Variants in PRKCH observed in about 807,000 individuals in gnomAD.
The protein encoded by PRKCH is protein kinase C eta type.
Under a neutral mutation model 82.5 loss-of-function variants are expected in PRKCH, and 28 were observed. That is an observed-to-expected ratio of 0.34 (90% confidence interval 0.25 to 0.47). The LOEUF is 0.47. PRKCH is among the 20% of genes least tolerant of loss of function. The pLI, the probability that PRKCH is intolerant of heterozygous loss-of-function variation, is 1.00. For synonymous variants in PRKCH, 322 were observed against 327.4 expected, an observed-to-expected ratio of 0.98 and a Z score of 0.18; for missense variants, 705 against 881.8, an observed-to-expected ratio of 0.80 and a Z score of 2.54.
intron 9 of PRKCH, 53 bp downstream of exon 9, chr14:61,457,732 A>G: frequency 1.3e-6 from 2 of 1,591,688 alleles, no homozygotes; most frequent in Admixed American, 3.4e-5. Flanking sequence ...TACAGAGCTG[A>G]GACAGTAAGA....
At chr14:61,544,143 A>G (rs1111789) in intron 12 of PRKCH, 147,561 of 152,212 alleles carry the variant, frequency 0.97, 71,682 homozygotes, top group East Asian at 1. Flanking sequence ...CTCACCCTAC[A>G]CCAGGGGTCA....
At chr14:61,371,464 G>A (rs76612464) in intron 1 of PRKCH, among the ~76,000 whole-genome samples, 1,743 of 151,970 alleles carry the variant, frequency 0.011, 47 homozygotes, top group African/African-American at 0.039. Context: ...ACTTTCCTTG[G>A]TTTTGGTGAG....
At chr14:61,383,921 G>A (rs551172781) in intron 1 of PRKCH, among the ~76,000 whole-genome samples, 1 of 152,236 alleles carries the variant, frequency 6.6e-6, no homozygotes, top group African/African-American at 2.4e-5. Context: ...CAGCAAAAGG[G>A]GAGCCCAAGT....
chr14:61,303,104 A>G (rs2140105377), intron 1 of PRKCH: 1 of 146,156 alleles, frequency 6.8e-6, no homozygotes, highest in South Asian at 2.2e-4. Context: ...TGCAGCCTTG[A>G]CCTCCTGAGT....
chr14:61,512,382 G>T (rs757023814), intron 10 of PRKCH, among the ~76,000 whole-genome samples: 2 of 150,444 alleles, frequency 1.3e-5, no homozygotes, highest in Non-Finnish European at 3.0e-5. Flanking sequence ...CTGGAACTGT[G>T]TTCCCAAACT....
chr14:61,460,670 C>T (rs369249275), intron 9 of PRKCH, among the ~76,000 whole-genome samples: 6 of 152,142 alleles, frequency 3.9e-5, no homozygotes, highest in African/African-American at 1.2e-4. Context: ...GGTGGTCTGA[C>T]GGCAGAGTCC....
At chr14:61,284,084 C>T (rs182173251) in intron 1 of PRKCH, among the ~76,000 whole-genome samples, 2 of 152,142 alleles carry the variant, frequency 1.3e-5, no homozygotes, top group Non-Finnish European at 2.9e-5. Flanking sequence ...AGGCTGGAGA[C>T]GCTGATCCAC....
Position 61,265,188 on chromosome 14 carries a change from G to C in PRKCH, c.-19+77520G>C, listed in dbSNP as rs147730930. 2.8e-3 allele frequency among the ~76,000 whole-genome samples: 420 copies of C among 152,214 alleles called. 3 individuals carry two copies. The highest frequency in any genetic ancestry group is 9.8e-3 in the African/African-American group (408 of 41,534). On this transcript the variant is annotated intron_variant, in intron 1 of 3. Coordinates refer to the PRKCH transcript ENST00000555185. ...TTTTGACAATTGCATTTCTCCTCAA[G>C]AAACCATCCCAGGCGGGTGCGGTGG...
intron 5 of PRKCH, among the ~76,000 whole-genome samples, chr14:61,449,931 T>C (rs1440445905): frequency 6.6e-6 from 1 of 151,836 alleles, no homozygotes; most frequent in Non-Finnish European, 1.5e-5. Flanking sequence ...TGTATGTGTA[T>C]AAGCTTCAAC....
chr14:61,291,354 G>A lies in PRKCH; in HGVS notation c.-19+103686G>A, dbSNP rs562595718. Among the ~76,000 whole-genome samples, 68 of 131,470 alleles carry A rather than the reference G, an allele frequency of 5.2e-4. 1 individual carries two copies. Among genetic ancestry groups the A allele is most frequent in the African/African-American group, 1.7e-3 (56 of 33,116 alleles). 86.2% of individuals were successfully genotyped at this position (131,470 alleles called of 152,430 possible). ...TTTTTTTTTTTTTTTTTTTTGAGAC[G>A]GAGTCTCGCCCTGTCACCAGGCTGG... is the stretch of plus-strand genomic sequence containing the variant. On this transcript the variant is annotated intron_variant, in intron 1 of 3. Transcript: ENST00000555185.
At chr14:61,242,229 C>T (rs1244267505) in intron 1 of PRKCH, among the ~76,000 whole-genome samples, 2 of 152,168 alleles carry the variant, frequency 1.3e-5, no homozygotes, top group African/African-American at 2.4e-5. Flanking sequence ...ATCCACACCT[C>T]CCATGCCTCA....
At chr14:61,294,204 T>C (rs2045388290) in intron 1 of PRKCH, among the ~76,000 whole-genome samples, 1 of 151,992 alleles carries the variant, frequency 6.6e-6, no homozygotes, top group Non-Finnish European at 1.5e-5. Flanking sequence ...CACTGCAAGC[T>C]CCACCTCCTG....
chr14:61,397,973 C>G (rs548507258), intron 2 of PRKCH, among the ~76,000 whole-genome samples: 36 of 152,240 alleles, frequency 2.4e-4, no homozygotes, highest in South Asian at 2.1e-4. Context: ...GAGCTCAAGG[C>G]GTATAAAATT....
intron 12 of PRKCH, among the ~76,000 whole-genome samples, chr14:61,541,926 A>G (rs1455649856): frequency 6.6e-6 from 1 of 152,200 alleles, no homozygotes; most frequent in Non-Finnish European, 1.5e-5. Flanking sequence ...AAGCTGCTCC[A>G]CTGCACCCAT....
At chr14:61,244,278 G>A (rs2044863265) in intron 1 of PRKCH, among the ~76,000 whole-genome samples, 1 of 152,134 alleles carries the variant, frequency 6.6e-6, no homozygotes, top group Non-Finnish European at 1.5e-5. Flanking sequence ...AAATTGGGAG[G>A]GTTTTTTTCA....
intron 9 of PRKCH, among the ~76,000 whole-genome samples, chr14:61,468,655 A>G (rs1885366811): frequency 6.7e-6 from 1 of 149,816 alleles, no homozygotes. Context: ...TGGTGTGACA[A>G]AAGGATTTGA....
intron 1 of PRKCH, among the ~76,000 whole-genome samples, chr14:61,225,075 G>A (rs574475637): frequency 5.9e-5 from 9 of 152,144 alleles, no homozygotes; most frequent in African/African-American, 7.2e-5. Flanking sequence ...AGCTTTGGCC[G>A]GGGTGAGCAC....
intron 2 of PRKCH, among the ~76,000 whole-genome samples, chr14:61,395,300 G>GCC (rs958125677): frequency 8.8e-5 from 12 of 136,058 alleles, no homozygotes; most frequent in East Asian, 2.5e-4. Context: ...GCCCCCCCCC[G>GCC]CATTTGCCTG....
At chr14:61,269,513 C>T (rs764680028) in intron 1 of PRKCH, among the ~76,000 whole-genome samples, 5 of 152,158 alleles carry the variant, frequency 3.3e-5, no homozygotes, top group African/African-American at 4.8e-5. Context: ...TCTCCCTCCT[C>T]CCAACCTCCA....
Sources: allele counts gnomAD v4.1 joint callset (sites outside exome capture counted in the v4.1 genomes callset), GRCh38; gene constraint gnomAD v4.1.1; transcripts MANE v1.5; gene names NCBI Gene and HGNC (gene_info 2026-07-23, HGNC 2026-07-21).